The following BSN variants were observed in gnomAD, a reference collection of about 807,000 sequenced individuals.
BSN encodes the protein bassoon presynaptic cytomatrix protein, also known as protein bassoon.
A neutral mutation model predicts 264.8 loss-of-function variants in BSN; 57 were observed. The observed-to-expected ratio is 0.22, with a 90% CI of 0.17 to 0.27. The LOEUF is 0.27. Ranked by LOEUF, BSN falls within the 10% of genes least tolerant of loss-of-function variation. The pLI is 1.00. For missense variants in BSN, 4,615 were observed against 5,232.5 expected (o/e 0.88, Z 3.64); for synonymous variants, 2,059 against 2,137.3 (o/e 0.96, Z 1.01).
intron 2 of BSN, among the ~76,000 whole-genome samples, chr3:49,634,412 A>T (rs1488702944): frequency 1.3e-5 from 2 of 150,944 alleles, no homozygotes; most frequent in South Asian, 2.1e-4. Flanking sequence ...ACAATGCAAA[A>T]TTTTTTTTTT....
At position 49,656,751 on chromosome 3, in the gene BSN, G is replaced by T; in HGVS notation, c.7195G>T (p.Val2399Leu). ...GCAAGAGGAGCTAGAGCGGGAACGT[G>T]TGGAGCTGCAGAGGCACCGTGAGGA... The part of the protein sequence containing the change: ...RLQEELERER[V>L]ELQRHREEEQ... The change falls in exon 5 of 12, where the codon GTG (valine) becomes TTG (leucine). Residue 2399 changes from valine (V) to leucine (L), a missense_variant. Val to Leu is a conservative substitution (Grantham distance 32, BLOSUM62 1). Around this residue, in one of 3 missense-constraint regions of BSN, gnomAD observed 3,415 missense variants for 3,866.4 expected, o/e 0.88. Transcript: ENST00000296452. 1.9e-6 allele frequency: 3 copies of T among 1,578,426 alleles called. No individual in the cohort carries two copies. The highest frequency in any genetic ancestry group is 2.6e-6 in the Non-Finnish European group (3 of 1,161,878).
rs576535768 is a variant in BSN, at chr3:49,577,508, A to G, written c.224+22682A>G. ...GCTGCCTGTTTTTCTGTTGACCTTC[A>G]GCTGCTTTGTTTCTTTTTTCTTTTC... On this transcript the variant is annotated intron_variant, in intron 1 of 11. Coordinates refer to ENST00000296452, the MANE Select transcript of BSN (RefSeq NM_003458.4). Among the ~76,000 whole-genome samples, 3 of 149,342 alleles carry G rather than the reference A, an allele frequency of 2.0e-5. No homozygotes were observed. The South Asian group carries it at 6.4e-4, about 32-fold the overall frequency.
At chr3:49,573,441 C>T (rs2051814210) in intron 1 of BSN, among the ~76,000 whole-genome samples, 1 of 152,150 alleles carries the variant, frequency 6.6e-6, no homozygotes, top group South Asian at 2.1e-4. Context: ...CCAGGACATC[C>T]TCCTGCTATG....
intron 2 of BSN, among the ~76,000 whole-genome samples, chr3:49,631,010 A>G (rs1348771596): frequency 6.6e-6 from 1 of 152,146 alleles, no homozygotes; most frequent in African/African-American, 2.4e-5. Context: ...GTCAGAGGGC[A>G]GCCCTCTCCC....
chr3:49,653,945 T>C lies in BSN; in HGVS notation c.4389T>C (p.Thr1463=), dbSNP rs1185318226. Residue 1463 remains threonine, a synonymous_variant, in exon 5 of 12, where the codon ACT becomes ACC. Coordinates refer to ENST00000296452, the MANE Select transcript of BSN (RefSeq NM_003458.4). This position sits in a 1 kb window ranked among gnomAD's most constrained non-coding sequence, Gnocchi z 6.3. ...GTGCGAGTGACGGTGAGGGTGGCAC[T>C]CCTCAGCCTTCCCGGGCATATTCCT... ...PLSASDGEGG[T]PQPSRAYSYF... is the part of the protein sequence containing the mutation. The C allele has an allele frequency of 6.2e-7, 1 of 1,613,984 alleles. No homozygotes were observed.
chr3:49,581,961 C>T (rs2051898484), intron 1 of BSN, among the ~76,000 whole-genome samples: 1 of 152,106 alleles, frequency 6.6e-6, no homozygotes, highest in African/African-American at 2.4e-5. Flanking sequence ...CATTGGCATT[C>T]AAGTATCTGT....
rs751544887 is a variant in BSN at position 49,658,019 on chromosome 3, C to G, written c.8463C>G (p.His2821Gln). The G allele has an allele frequency of 6.2e-7, 1 of 1,613,522 alleles. No homozygotes were observed. ...CCAGTGAGAGGCTGAACAAAGCTCA[C>G]GTGAGTCCCCAGAAGCACTTCACGG... ...FASSERLNKA[H>Q]VSPQKHFTAD... The change falls in exon 5 of 12, where the codon CAC (histidine) becomes CAG (glutamine). Residue 2821 changes from histidine (H) to glutamine (Q), a missense_variant. Transcript: ENST00000296452.
At chr3:49,649,395 G>C (rs1023750419) in intron 3 of BSN, among the ~76,000 whole-genome samples, 2 of 152,232 alleles carry the variant, frequency 1.3e-5, no homozygotes, top group Non-Finnish European at 2.9e-5. Flanking sequence ...AAGGCTCTGC[G>C]CCACAGAGTA....
At chr3:49,572,461 T>C (rs2051804917) in intron 1 of BSN, among the ~76,000 whole-genome samples, 1 of 152,146 alleles carries the variant, frequency 6.6e-6, no homozygotes, top group African/African-American at 2.4e-5. Flanking sequence ...GTGGTATCCT[T>C]TGGAACTCAA....
At position 49,642,862 on chromosome 3, in the gene BSN, C is replaced by T. The variant is rs756685295; in HGVS notation, c.1228C>T (p.Pro410Ser). Residue 410 changes from proline to serine, a missense_variant, in exon 3 of 12, where the codon CCT (proline) becomes TCT (serine). Coordinates refer to ENST00000296452, the MANE Select transcript of BSN (RefSeq NM_003458.4). This position sits in a 1 kb window ranked among gnomAD's most constrained non-coding sequence, Gnocchi z 7.0. ...LGSGPGPGPA[P>S]GAKTEPGARM... ...CTCAGGGCCCGGGCCTGGGCCAGCA[C>T]CTGGAGCCAAAACTGAGCCTGGGGC... 5.0e-6 allele frequency: 8 copies of T among 1,613,316 alleles called. No homozygotes were observed. The highest frequency in any genetic ancestry group is 6.8e-6 in the Non-Finnish European group (8 of 1,179,816).
intron 1 of BSN, among the ~76,000 whole-genome samples, chr3:49,555,073 A>AC (rs1282451786): frequency 6.6e-6 from 1 of 152,074 alleles, no homozygotes; most frequent in African/African-American, 2.4e-5. Context: ...TCCGTCACGA[A>AC]CCCCAAATTC....
At chr3:49,658,880 G>A (rs921482536) in intron 5 of BSN, among the ~76,000 whole-genome samples, 1 of 152,230 alleles carries the variant, frequency 6.6e-6, no homozygotes, top group Admixed American at 6.5e-5. Flanking sequence ...TTGGCTGTGG[G>A]CTGCAGCCAA....
In BSN at chr3:49,625,231, A is replaced by G; in HGVS notation, c.481A>G (p.Ile161Val). The G allele has an allele frequency of 6.3e-7, 1 of 1,589,044 alleles. No individual in the cohort carries two copies. ...CACATCACCCTACTCCGTCCCTCAGATCGCCCCCCTTCCCAGCAGCACGCT... is the reference window on the plus strand; with the variant it reads ...CACATCACCCTACTCCGTCCCTCAGGTCGCCCCCCTTCCCAGCAGCACGCT... Reference protein sequence around the residue: ...TPTSPYSVPQIAPLPSSTLCP... With the variant: ...TPTSPYSVPQVAPLPSSTLCP... The change falls in exon 2 of 12, where the codon ATC becomes GTC. Residue 161 changes from isoleucine to valine, a missense_variant. Physicochemically the swap from Ile to Val is conservative, Grantham distance 29. This residue lies in a region of BSN where 1,197 missense variants were observed against 1,348.0 expected (regional missense o/e 0.89). Transcript: ENST00000296452. The surrounding 1 kb of genome is among the most constrained non-coding windows in gnomAD (Gnocchi z 4.4).
At chr3:49,559,080 C>G (rs1452502344) in intron 1 of BSN, among the ~76,000 whole-genome samples, 1 of 152,058 alleles carries the variant, frequency 6.6e-6, no homozygotes, top group Non-Finnish European at 1.5e-5. Context: ...GCACCCACCA[C>G]CAGACCCAGC....
intron 1 of BSN, among the ~76,000 whole-genome samples, chr3:49,592,455 A>G (rs895379253): frequency 6.6e-6 from 1 of 150,642 alleles, no homozygotes; most frequent in African/African-American, 2.4e-5. Context: ...TGCAGCTGTA[A>G]GAAATAATAC....
chr3:49,596,937 C>T (rs1041569176), intron 1 of BSN, among the ~76,000 whole-genome samples: 17 of 151,978 alleles, frequency 1.1e-4, no homozygotes, highest in Non-Finnish European at 2.1e-4. Flanking sequence ...ATCGTTGATG[C>T]GGTGGTTTAC....
intron 1 of BSN, among the ~76,000 whole-genome samples, chr3:49,569,555 A>G (rs1181796960): frequency 6.6e-6 from 1 of 152,200 alleles, no homozygotes; most frequent in African/African-American, 2.4e-5. Context: ...GATTGAGGGT[A>G]TAGTTCCTGA....
rs2052556338 is a variant in BSN, at chr3:49,652,903, A to G, written c.3347A>G (p.Glu1116Gly). 4.3e-6 allele frequency: 7 copies of G among 1,609,632 alleles called. No homozygotes were observed. Among genetic ancestry groups the G allele is most frequent in the Non-Finnish European group, 5.9e-6 (7 of 1,177,156 alleles). The change falls in exon 5 of 12, where the codon GAG becomes GGG. Residue 1116 changes from glutamate to glycine, a missense_variant. Around this residue, in one of 3 missense-constraint regions of BSN, gnomAD observed 3,415 missense variants for 3,866.4 expected, o/e 0.88. Transcript: ENST00000296452. Reference sequence around the variant, plus strand: ...GAGCTGAGGCAGGCGGCCGAGATGGAGGAGCTACACCGCTCCTCCTGCTCT... The same window carrying G: ...GAGCTGAGGCAGGCGGCCGAGATGGGGGAGCTACACCGCTCCTCCTGCTCT... ...TEELRQAAEM[E>G]ELHRSSCSEY...
At chr3:49,556,109 C>T (rs1024668423) in intron 1 of BSN, among the ~76,000 whole-genome samples, 2 of 152,186 alleles carry the variant, frequency 1.3e-5, no homozygotes, top group Admixed American at 1.3e-4. Flanking sequence ...AAACACTGTC[C>T]ATTTTGCTGC....
Sources: gnomAD v4.1 joint callset for allele counts (sites outside exome capture counted in the v4.1 genomes callset) on GRCh38, gnomAD v4.1.1 for gene constraint, gnomAD v4.1.1 regional missense constraint, Gnocchi (gnomAD v3.1) non-coding constraint, MANE v1.5 for transcripts, NCBI Gene and HGNC (gene_info 2026-07-23, HGNC 2026-07-21) for gene names.